Variants in WHR1 observed in about 807,000 individuals in gnomAD.
The protein encoded by WHR1 is MHC class III HLA-RP1.
the WHR1 span, chr6:31,971,859 C>G: frequency 1.4e-6 from 2 of 1,400,430 alleles, no homozygotes; most frequent in Non-Finnish European, 1.9e-6. This position sits in a 1 kb window ranked among gnomAD's most constrained non-coding sequence, Gnocchi z 4.5. Flanking sequence ...TTCACCCACC[C>G]TCCCTCCAGG....
At chr6:31,976,729 G>A in the WHR1 span, among the ~76,000 whole-genome samples, 1 of 152,260 alleles carries the variant, frequency 6.6e-6, no homozygotes, top group Non-Finnish European at 1.5e-5. Flanking sequence ...CCGAGATCCC[G>A]CCACTGCACT....
the WHR1 span, chr6:31,971,437 G>A: frequency 6.2e-7 from 1 of 1,611,858 alleles, no homozygotes; most frequent in Non-Finnish European, 8.5e-7. This position sits in a 1 kb window ranked among gnomAD's most constrained non-coding sequence, Gnocchi z 4.5. Flanking sequence ...GTCAAAGTTG[G>A]GGCCTGGACC....
the WHR1 span, chr6:31,972,111 G>A: frequency 6.2e-7 from 1 of 1,613,056 alleles, no homozygotes; most frequent in South Asian, 1.1e-5. This position sits in a 1 kb window ranked among gnomAD's most constrained non-coding sequence, Gnocchi z 6.3. Context: ...CACCAACGTG[G>A]CCACCGGCGC....
chr6:31,979,005 G>C, the WHR1 span: 1 of 1,612,026 alleles, frequency 6.2e-7, no homozygotes, highest in Non-Finnish European at 8.5e-7. Flanking sequence ...CAGAGTATGT[G>C]ACTGTGTGCG....
chr6:31,972,752 C>A, the WHR1 span: 1 of 1,612,112 alleles, frequency 6.2e-7, no homozygotes, highest in Non-Finnish European at 8.5e-7. The surrounding 1 kb of genome is among the most constrained non-coding windows in gnomAD (Gnocchi z 6.3). Context: ...GGCCGACCGG[C>A]AGCTGGTGAG....
the WHR1 span, chr6:31,973,273 G>A: frequency 3.4e-6 from 1 of 296,398 alleles, no homozygotes; most frequent in Non-Finnish European, 6.7e-6. Flanking sequence ...AGATGACTGC[G>A]TGGCTGGTGG....
chr6:31,980,580 C>T, the WHR1 span: 1 of 1,605,070 alleles, frequency 6.2e-7, no homozygotes, highest in Non-Finnish European at 8.5e-7. Flanking sequence ...CCTGCAGCCC[C>T]TCACCTTTTG....
chr6:31,980,368 C>T, the WHR1 span: 1 of 1,288,262 alleles, frequency 7.8e-7, no homozygotes, highest in Non-Finnish European at 1.1e-6. Context: ...TTTCTGGAGA[C>T]TTGTGTAAAC....
At chr6:31,979,004 T>C in the WHR1 span, 1 of 1,611,420 alleles carries the variant, frequency 6.2e-7, no homozygotes, top group Non-Finnish European at 8.5e-7. Context: ...CCAGAGTATG[T>C]GACTGTGTGC....
the WHR1 span, among the ~76,000 whole-genome samples, chr6:31,975,442 C>T: frequency 3.3e-5 from 5 of 151,964 alleles, no homozygotes; most frequent in Non-Finnish European, 7.4e-5. Context: ...ACCTCGTGAT[C>T]TGCCCTCCTC....
chr6:31,979,682 TG>T, the WHR1 span: 1 of 1,334,706 alleles, frequency 7.5e-7, no homozygotes, highest in Non-Finnish European at 1.0e-6. Flanking sequence ...TGACTCTTCT[TG>T]TTAATAAAAT....
chr6:31,975,629 G>T, the WHR1 span, among the ~76,000 whole-genome samples: 4 of 145,692 alleles, frequency 2.7e-5, no homozygotes, highest in Non-Finnish European at 3.0e-5. Context: ...TTGTCTTTTT[G>T]ATAATTCCAC....
the WHR1 span, chr6:31,978,894 T>C: frequency 5.6e-6 from 9 of 1,612,488 alleles, no homozygotes; most frequent in Non-Finnish European, 7.6e-6. Flanking sequence ...CTCTTCTCTG[T>C]GGAGACAGAA....
At chr6:31,978,081 C>T in the WHR1 span, among the ~76,000 whole-genome samples, 2 of 152,260 alleles carry the variant, frequency 1.3e-5, no homozygotes, top group Non-Finnish European at 2.9e-5. Flanking sequence ...AGCCATCTCG[C>T]CCGGCCTACT....
the WHR1 span, chr6:31,973,373 CAA>C: frequency 4.6e-6 from 1 of 219,678 alleles, no homozygotes; most frequent in Non-Finnish European, 9.4e-6. Flanking sequence ...CATCCAAAGA[CAA>C]AGGTATTAGA....
chr6:31,972,357 C>T, the WHR1 span: 1 of 1,613,088 alleles, frequency 6.2e-7, no homozygotes, highest in Non-Finnish European at 8.5e-7. This position sits in a 1 kb window ranked among gnomAD's most constrained non-coding sequence, Gnocchi z 6.3. Context: ...ACCCTATTTT[C>T]AGGTTCTCTT....
chr6:31,972,496 CT>C, the WHR1 span: 1 of 1,610,610 alleles, frequency 6.2e-7, no homozygotes, highest in East Asian at 2.2e-5. The surrounding 1 kb of genome is among the most constrained non-coding windows in gnomAD (Gnocchi z 6.3). Flanking sequence ...GTCGGATCCT[CT>C]TCGGGGTGAG....
chr6:31,973,177 T>G, the WHR1 span: 1 of 397,432 alleles, frequency 2.5e-6, no homozygotes, highest in Non-Finnish European at 4.9e-6. Flanking sequence ...ATCTGAGAAG[T>G]GGTGAAGGCC....
chr6:31,979,110 C>A, the WHR1 span: 1 of 1,108,936 alleles, frequency 9.0e-7, no homozygotes, highest in Non-Finnish European at 1.3e-6. Context: ...GCCCCCACAT[C>A]CCATGGAGAG....
Sources: allele counts gnomAD v4.1 joint callset (sites outside exome capture counted in the v4.1 genomes callset), GRCh38; gene constraint gnomAD v4.1.1; non-coding constraint Gnocchi (gnomAD v3.1); transcripts MANE v1.5; gene names NCBI Gene and HGNC (gene_info 2026-07-23, HGNC 2026-07-21).